Variants in MTUS2 observed in about 807,000 individuals in gnomAD.
The protein encoded by MTUS2 is microtubule-associated tumor suppressor candidate 2.
In MTUS2, 40 loss-of-function variants were observed where a neutral mutation model predicts 114.1. The ratio of observed to expected loss-of-function variants is 0.35; its 90% CI spans 0.27 to 0.46. The LOEUF (loss-of-function observed/expected upper bound fraction) is 0.46. Among genes scored for constraint, MTUS2 ranks in the 20% least tolerant of loss-of-function variants. The probability of loss-of-function intolerance (pLI) is 1.00; values close to 1 mark genes in which losing one functional copy is unlikely to be tolerated. For synonymous variants in MTUS2, 688 were observed against 672.0 expected (o/e 1.02, Z -0.37); for missense variants, 1,679 against 1,705.4 (o/e 0.98, Z 0.27).
chr13:29,474,729 GC>G (rs1566222417), intron 9 of MTUS2, among the ~76,000 whole-genome samples: 1 of 152,052 alleles, frequency 6.6e-6, no homozygotes, highest in African/African-American at 2.4e-5. Flanking sequence ...AATTTGAGTA[GC>G]CCCCTACTAG....
intron 7 of MTUS2, among the ~76,000 whole-genome samples, chr13:29,349,373 G>C (rs1278196714): frequency 6.6e-6 from 1 of 151,958 alleles, no homozygotes; most frequent in Non-Finnish European, 1.5e-5. Context: ...CATATATTAT[G>C]AACCTATAAT....
chr13:29,501,174 C>T lies in MTUS2; in HGVS notation c.3876C>T (p.Asp1292=). The change falls in exon 15 of 16, where the codon GAC becomes GAT. Residue 1292 remains aspartate (D), a synonymous_variant. Coordinates refer to ENST00000612955, the MANE Select transcript of MTUS2 (RefSeq NM_001033602.4). Reference sequence around the variant, plus strand: ...ACGAAGACCTCAAAGCAAGGATTGACCAAAACACAGTTGTCACCAGGTAGG... The same window carrying T: ...ACGAAGACCTCAAAGCAAGGATTGATCAAAACACAGTTGTCACCAGGTAGG... ...QQNEDLKARI[D]QNTVVTRQLS... The T allele has an allele frequency of 6.2e-7, 1 of 1,614,086 alleles. No homozygotes were observed. Among genetic ancestry groups the T allele is most frequent in the Non-Finnish European group, 8.5e-7 (1 of 1,179,948 alleles).
chr13:29,405,300 A>G (rs918763734), intron 8 of MTUS2, among the ~76,000 whole-genome samples: 13 of 152,224 alleles, frequency 8.5e-5, no homozygotes, highest in African/African-American at 3.1e-4. Flanking sequence ...TAATTAAATC[A>G]TTTACCAGAA....
chr13:28,947,521 G>A (rs1363287516), intron 2 of MTUS2, among the ~76,000 whole-genome samples: 1 of 152,126 alleles, frequency 6.6e-6, no homozygotes, highest in African/African-American at 2.4e-5. Flanking sequence ...GTCTACCAAA[G>A]CCACATGAGA....
chr13:29,107,254 A>G (rs1358556849), intron 5 of MTUS2, among the ~76,000 whole-genome samples: 1 of 151,998 alleles, frequency 6.6e-6, no homozygotes, highest in Non-Finnish European at 1.5e-5. Flanking sequence ...TCTCTCCCCT[A>G]CAGACTATAA....
intron 5 of MTUS2, among the ~76,000 whole-genome samples, chr13:29,126,533 A>G (rs952874081): frequency 1.3e-5 from 2 of 152,082 alleles, no homozygotes; most frequent in African/African-American, 4.8e-5. Context: ...AGCTTGTCCA[A>G]CCTGCAACCT....
chr13:29,095,904 CTTAGTTATTTTA>C (rs1890159285), intron 4 of MTUS2, among the ~76,000 whole-genome samples: 1 of 151,598 alleles, frequency 6.6e-6, no homozygotes, highest in Admixed American at 6.6e-5. Context: ...GCATAGTTTC[CTTAGTTATTTTA>C]TTATATTTAT....
At chr13:29,458,905 T>C (rs7336242) in intron 9 of MTUS2, among the ~76,000 whole-genome samples, 9,889 of 152,328 alleles carry the variant, frequency 0.065, 360 homozygotes, top group African/African-American at 0.088. Flanking sequence ...GGCCTATGGG[T>C]GGCCGTGCTT....
At chr13:29,492,433 T>C (rs991109646) in intron 11 of MTUS2, among the ~76,000 whole-genome samples, 2 of 151,980 alleles carry the variant, frequency 1.3e-5, no homozygotes, top group Admixed American at 1.3e-4. Context: ...TTTCCCTCCC[T>C]TTCCCCAGTC....
chr13:28,903,344 T>C (rs1879763434), intron 2 of MTUS2, among the ~76,000 whole-genome samples: 1 of 151,724 alleles, frequency 6.6e-6, no homozygotes, highest in Non-Finnish European at 1.5e-5. Context: ...ACATGTGCCA[T>C]GTTGGTGTGC....
chr13:29,323,896 T>G (rs1203289535), intron 6 of MTUS2, among the ~76,000 whole-genome samples: 1 of 152,186 alleles, frequency 6.6e-6, no homozygotes, highest in Non-Finnish European at 1.5e-5. Context: ...TCTAGGTCTG[T>G]GTGATTTCGC....
chr13:29,091,895 G>A (rs1015504121), intron 4 of MTUS2, among the ~76,000 whole-genome samples: 2 of 152,192 alleles, frequency 1.3e-5, no homozygotes, highest in African/African-American at 4.8e-5. Context: ...ACAGTGCAGA[G>A]TACATGCTTG....
chr13:29,077,396 TAAAA>T (rs574656480), intron 4 of MTUS2, among the ~76,000 whole-genome samples: 7 of 149,502 alleles, frequency 4.7e-5, no homozygotes, highest in Admixed American at 2.0e-4. Context: ...ATGGTAAAAT[TAAAA>T]AAAAAATGAG....
chr13:29,305,228 T>C (rs1015387301), intron 6 of MTUS2, among the ~76,000 whole-genome samples: 2 of 151,518 alleles, frequency 1.3e-5, no homozygotes, highest in Admixed American at 1.3e-4. Flanking sequence ...ATAATAGAAA[T>C]AGAGAACCAA....
intron 5 of MTUS2, among the ~76,000 whole-genome samples, chr13:29,106,431 C>G (rs533520488): frequency 1.2e-4 from 19 of 152,164 alleles, no homozygotes; most frequent in Non-Finnish European, 2.5e-4. Flanking sequence ...ATGATCTCGT[C>G]TCACTGCAGC....
At chr13:29,411,177 G>A (rs1242097608) in intron 8 of MTUS2, among the ~76,000 whole-genome samples, 1 of 152,052 alleles carries the variant, frequency 6.6e-6, no homozygotes, top group Non-Finnish European at 1.5e-5. Flanking sequence ...ATGGTTTTGG[G>A]GGTTTTTGTT....
At chr13:29,479,754 G>T (rs1269507411) in intron 9 of MTUS2, among the ~76,000 whole-genome samples, 3 of 152,198 alleles carry the variant, frequency 2.0e-5, no homozygotes, top group African/African-American at 7.2e-5. Flanking sequence ...TGCCTCATGG[G>T]CTCTGATTCA....
At chr13:29,387,686 C>T (rs1014494295) in intron 8 of MTUS2, among the ~76,000 whole-genome samples, 2 of 152,068 alleles carry the variant, frequency 1.3e-5, no homozygotes, top group African/African-American at 2.4e-5. Flanking sequence ...TTAGGAGACA[C>T]GTGTGTGGGA....
intron 2 of MTUS2, among the ~76,000 whole-genome samples, chr13:29,004,654 G>T (rs1172913727): frequency 2.0e-5 from 3 of 152,292 alleles, no homozygotes; most frequent in Non-Finnish European, 4.4e-5. Flanking sequence ...AGTTTAGCTT[G>T]CCAGAAAAAT....
Sources: allele counts gnomAD v4.1 joint callset (sites outside exome capture counted in the v4.1 genomes callset), GRCh38; gene constraint gnomAD v4.1.1; transcripts MANE v1.5; gene names NCBI Gene and HGNC (gene_info 2026-07-23, HGNC 2026-07-21).